The following COG5 variants were observed in gnomAD, a reference collection of about 807,000 sequenced individuals.
COG5 encodes the protein conserved oligomeric Golgi complex subunit 5.
In COG5, 86 loss-of-function variants were observed where a neutral mutation model predicts 110.4. The ratio of observed to expected loss-of-function variants is 0.78; its 90% CI spans 0.65 to 0.93. COG5 has a LOEUF of 0.93. Among genes scored for constraint, COG5 ranks in the 40% least tolerant of loss-of-function variants. The pLI, the probability that COG5 is intolerant of heterozygous loss-of-function variation, is 0.00. For missense variants in COG5, 1,077 were observed against 987.0 expected (o/e 1.09, Z -1.22); for synonymous variants, 360 against 334.6 (o/e 1.08, Z -0.83).
chr7:107,536,967 A>C (rs1422180278), intron 5 of COG5, among the ~76,000 whole-genome samples: 1 of 152,206 alleles, frequency 6.6e-6, no homozygotes, highest in Non-Finnish European at 1.5e-5. Context: ...CTCAGAAATA[A>C]CACCACATAT....
At chr7:107,362,549 G>A (rs1813218203) in intron 8 of COG5, 129 bp from the exon 9 acceptor site, 3 of 679,780 alleles carry the variant, frequency 4.4e-6, no homozygotes. Flanking sequence ...ATAATTTATT[G>A]AGTAAGAATC....
At chr7:107,340,952 C>G (rs1329938270) in intron 10 of COG5, among the ~76,000 whole-genome samples, 1 of 152,042 alleles carries the variant, frequency 6.6e-6, no homozygotes, top group Non-Finnish European at 1.5e-5. Flanking sequence ...GGAAGCATTC[C>G]CCTTGAGAAC....
intron 5 of COG5, among the ~76,000 whole-genome samples, chr7:107,541,523 A>AAATATATATATATATAT (rs60423657): frequency 1.8e-5 from 1 of 57,026 alleles, no homozygotes; most frequent in African/African-American, 6.7e-5. Context: ...AAAAAAAAAA[A>AAATATATATATATATAT]ATATATATAT....
intron 5 of COG5, among the ~76,000 whole-genome samples, chr7:107,536,022 A>T (rs868074489): frequency 2.6e-5 from 4 of 152,312 alleles, no homozygotes; most frequent in Admixed American, 6.5e-5. Flanking sequence ...CAATAAACAT[A>T]ATCCATCACA....
intron 6 of COG5, among the ~76,000 whole-genome samples, chr7:107,482,338 G>A (rs1382815509): frequency 6.6e-6 from 1 of 151,820 alleles, no homozygotes; most frequent in Non-Finnish European, 1.5e-5. Flanking sequence ...TAGAGACAGG[G>A]TCTCATTATG....
At chr7:107,219,185 G>T (rs181898931) in intron 19 of COG5, among the ~76,000 whole-genome samples, 1 of 152,040 alleles carries the variant, frequency 6.6e-6, no homozygotes, top group Non-Finnish European at 1.5e-5. Context: ...TTAAAAAAAT[G>T]AAAGATTGTG....
chr7:107,436,250 T>C (rs574434837), intron 6 of COG5, among the ~76,000 whole-genome samples: 12 of 152,306 alleles, frequency 7.9e-5, no homozygotes, highest in African/African-American at 2.6e-4. Context: ...GGTATATACA[T>C]ACAGCGAATT....
At chr7:107,433,189 G>T (rs1281290784) in intron 6 of COG5, among the ~76,000 whole-genome samples, 1 of 152,062 alleles carries the variant, frequency 6.6e-6, no homozygotes, top group African/African-American at 2.4e-5. Context: ...AGAAATTAAA[G>T]ACAACACAAA....
intron 16 of COG5, among the ~76,000 whole-genome samples, chr7:107,248,768 A>G (rs897381883): frequency 1.3e-5 from 2 of 152,204 alleles, no homozygotes; most frequent in African/African-American, 2.4e-5. Flanking sequence ...AGCCCATGAA[A>G]AAGGGAAGGC....
chr7:107,479,382 A>C lies in COG5; in HGVS notation c.538+47855T>G, dbSNP rs776595639. ...ATTACAAGGTGAAAAAATGAGCTTC[A>C]AAAAAACAAATAAAGCAGCAATACA... On this transcript the variant is annotated intron_variant, in intron 6 of 21. Transcript: ENST00000297135. 2.6e-5 allele frequency among the ~76,000 whole-genome samples: 4 copies of C among 152,152 alleles called. No homozygotes were observed. In the South Asian group the frequency reaches 8.3e-4, roughly 32 times the overall value.
At chr7:107,212,834 C>T (rs931938069) in intron 19 of COG5, among the ~76,000 whole-genome samples, 28 of 152,304 alleles carry the variant, frequency 1.8e-4, no homozygotes, top group East Asian at 9.6e-4. Flanking sequence ...CATGGTTTCA[C>T]CTTGACCATA....
chr7:107,427,674 T>A (rs1309911672), intron 6 of COG5, among the ~76,000 whole-genome samples: 1 of 151,900 alleles, frequency 6.6e-6, no homozygotes, highest in Non-Finnish European at 1.5e-5. Context: ...ACTGGAGACA[T>A]CCTACCCACT....
chr7:107,373,335 T>C (rs905003786), intron 7 of COG5, among the ~76,000 whole-genome samples: 5 of 152,068 alleles, frequency 3.3e-5, no homozygotes, highest in African/African-American at 9.7e-5. Context: ...TTGAGAAATG[T>C]ACAAAACATA....
At chr7:107,316,903 C>T (rs1259536345) in intron 11 of COG5, among the ~76,000 whole-genome samples, 2 of 151,992 alleles carry the variant, frequency 1.3e-5, no homozygotes, top group African/African-American at 4.8e-5. Context: ...AACGTACACA[C>T]ACACTCCCAT....
At chr7:107,403,524 T>G (rs1245116265) in intron 7 of COG5, among the ~76,000 whole-genome samples, 1 of 152,068 alleles carries the variant, frequency 6.6e-6, no homozygotes, top group Admixed American at 6.6e-5. Context: ...TTTCTCCTAA[T>G]GGTATCCCTC....
At chr7:107,267,668 G>C (rs1803908442) in intron 14 of COG5, among the ~76,000 whole-genome samples, 1 of 152,110 alleles carries the variant, frequency 6.6e-6, no homozygotes, top group South Asian at 2.1e-4. Context: ...TTTCAAAAAA[G>C]AATGACAGTT....
At chr7:107,495,569 C>T (rs139398377) in intron 6 of COG5, among the ~76,000 whole-genome samples, 246 of 152,052 alleles carry the variant, frequency 1.6e-3, no homozygotes, top group African/African-American at 5.6e-3. Flanking sequence ...ATAACATGAT[C>T]CATATGCATG....
intron 6 of COG5, among the ~76,000 whole-genome samples, chr7:107,493,953 A>C (rs955388600): frequency 6.6e-6 from 1 of 152,182 alleles, no homozygotes; most frequent in African/African-American, 2.4e-5. Context: ...CATGAAACTA[A>C]TTTGAGTATT....
At chr7:107,432,006 C>A (rs1354145535) in intron 6 of COG5, among the ~76,000 whole-genome samples, 1 of 151,906 alleles carries the variant, frequency 6.6e-6, no homozygotes, top group Non-Finnish European at 1.5e-5. Flanking sequence ...TAAAGAACTG[C>A]TATTTTAAAC....
Sources: gnomAD v4.1 joint callset for allele counts (sites outside exome capture counted in the v4.1 genomes callset) on GRCh38, gnomAD v4.1.1 for gene constraint, MANE v1.5 for transcripts, NCBI Gene and HGNC (gene_info 2026-07-23, HGNC 2026-07-21) for gene names.